SLC43A2: variants seen among roughly 807,000 people sequenced by gnomAD.
SLC43A2 encodes large neutral amino acids transporter small subunit 4.
Under a neutral mutation model 63.2 loss-of-function variants are expected in SLC43A2, and 38 were observed. That is an observed-to-expected ratio of 0.60 (90% CI 0.46 to 0.79). The LOEUF (loss-of-function observed/expected upper bound fraction) is 0.79. Ranked by LOEUF, SLC43A2 falls within the 30% of genes least tolerant of loss-of-function variation. The probability of loss-of-function intolerance (pLI) is 0.00; values close to 1 mark genes in which losing one functional copy is unlikely to be tolerated. For missense variants in SLC43A2, 644 were observed against 756.2 expected (o/e 0.85, Z 1.74); for synonymous variants, 322 against 331.0 (o/e 0.97, Z 0.30).
intron 9 of SLC43A2, chr17:1,586,927 A>AG: frequency 1.5e-6 from 2 of 1,355,934 alleles, no homozygotes; most frequent in Non-Finnish European, 2.0e-6. Context: ...TTCCCTGACA[A>AG]TCCCCCCCAC....
Position 1,572,133 on chromosome 17 carries a change from C to T in SLC43A2, c.*3471G>A, listed in dbSNP as rs999099585. The T allele has an allele frequency of 1.3e-5, 2 of 152,598 alleles. No individual in the cohort carries two copies. Among genetic ancestry groups the T allele is most frequent in the African/African-American group, 4.8e-5 (2 of 41,468 alleles). The allele number at this position is 152,598 out of a possible 1,614,324, so 9.5% of individuals were successfully genotyped here. ...TGCTCCCCCAAGTACCCATCAGCCTCCAGGGCCCAAATGATTCCATGCAGT... is the reference window on the plus strand; with the variant it reads ...TGCTCCCCCAAGTACCCATCAGCCTTCAGGGCCCAAATGATTCCATGCAGT... On this transcript the variant is annotated 3_prime_UTR_variant, in exon 14 of 14. Transcript: ENST00000301335.
intron 5 of SLC43A2, among the ~76,000 whole-genome samples, chr17:1,596,971 C>G (rs1905340903): frequency 6.6e-6 from 1 of 152,186 alleles, no homozygotes; most frequent in Admixed American, 6.5e-5. Flanking sequence ...CATCCCAGCA[C>G]TTTGGGAGGC....
Position 1,593,084 on chromosome 17 carries a change from G to C in SLC43A2, c.594+103C>G. On this transcript the variant is annotated intron_variant, in intron 6 of 13. Transcript: ENST00000301335. The surrounding 1 kb of genome is among the most constrained non-coding windows in gnomAD (Gnocchi z 5.3). Reference sequence around the variant, plus strand: ...CCTGCCCGGGTGGGGGTGGTGGAGAGGGGCCACCCCGGGTGCCCACAATTG... The same window carrying C: ...CCTGCCCGGGTGGGGGTGGTGGAGACGGGCCACCCCGGGTGCCCACAATTG... The C allele has an allele frequency of 4.5e-6, 5 of 1,117,096 alleles. No homozygotes were observed. Among genetic ancestry groups the C allele is most frequent in the Non-Finnish European group, 6.6e-6 (5 of 757,506 alleles). 69.2% of individuals were successfully genotyped at this position (1,117,096 alleles called of 1,614,324 possible).
At chr17:1,588,040 G>C (rs1017059889) in intron 9 of SLC43A2, among the ~76,000 whole-genome samples, 5 of 152,240 alleles carry the variant, frequency 3.3e-5, no homozygotes, top group Admixed American at 2.0e-4. Flanking sequence ...TGAGGCAGCA[G>C]TGCCCACTTT....
At chr17:1,622,425 C>A (rs1457312136) in intron 2 of SLC43A2, among the ~76,000 whole-genome samples, 1 of 151,878 alleles carries the variant, frequency 6.6e-6, no homozygotes, top group African/African-American at 2.4e-5. Context: ...TTTAGCCAGG[C>A]GTGGTGGCGG....
rs1382998870 is a variant in SLC43A2 at position 1,577,169 on chromosome 17, G to T, written c.1425-449C>A. 2.6e-5 allele frequency among the ~76,000 whole-genome samples: 4 copies of T among 152,260 alleles called. No individual in the cohort carries two copies. The highest frequency in any genetic ancestry group is 9.6e-5 in the African/African-American group (4 of 41,558). Reference sequence around the variant, plus strand: ...GTGAGCCACCGCGCCCGGCCCTGCTGGGTGGTTCTGCAAAGTGTTTCTCTT... The same window carrying T: ...GTGAGCCACCGCGCCCGGCCCTGCTTGGTGGTTCTGCAAAGTGTTTCTCTT... On this transcript the variant is annotated intron_variant, in intron 12 of 13. Coordinates refer to ENST00000301335, the MANE Select transcript of SLC43A2 (RefSeq NM_152346.3). This position sits in a 1 kb window ranked among gnomAD's most constrained non-coding sequence, Gnocchi z 4.9.
At chr17:1,576,809 T>C in intron 12 of SLC43A2, 89 bp from the exon 13 acceptor site, 1 of 1,501,402 alleles carries the variant, frequency 6.7e-7, no homozygotes. Flanking sequence ...GCACCGTTGG[T>C]GCCAGAGAAG....
At chr17:1,628,032 G>A (rs1203158683) in intron 1 of SLC43A2, 112 bp from the exon 2 acceptor site, 15 of 1,086,042 alleles carry the variant, frequency 1.4e-5, no homozygotes, top group Non-Finnish European at 1.7e-5. Context: ...CCCCGGCCGC[G>A]GCGGCCGGTG....
chr17:1,600,845 A>G (rs1366221610), intron 5 of SLC43A2, among the ~76,000 whole-genome samples: 1 of 149,348 alleles, frequency 6.7e-6, no homozygotes, highest in African/African-American at 2.5e-5. Flanking sequence ...GGCGTGAACC[A>G]TTGCGCCCAG....
At chr17:1,584,692 C>T (rs535506233) in intron 10 of SLC43A2, among the ~76,000 whole-genome samples, 32 of 151,334 alleles carry the variant, frequency 2.1e-4, no homozygotes, top group African/African-American at 7.0e-4. Flanking sequence ...TGGTGGCGGG[C>T]GCCTGTAGTC....
Position 1,592,564 on chromosome 17 carries a change from C to T in SLC43A2, c.594+623G>A, listed in dbSNP as rs574364880. Among the ~76,000 whole-genome samples, 69 of 152,272 alleles carry T rather than the reference C, an allele frequency of 4.5e-4. 1 individual carries two copies. Among genetic ancestry groups the T allele is most frequent in the South Asian group, 2.7e-3 (13 of 4,826 alleles). ...CAATGCCCAGGTGGCCAGCCCACAC[C>T]GTGTCCCCCTCTCCTCGCCAACAGC... is the stretch of plus-strand genomic sequence containing the variant. On this transcript the variant is annotated intron_variant, in intron 6 of 13. Transcript: ENST00000301335.
chr17:1,610,825 T>G (rs1448023812), intron 5 of SLC43A2, among the ~76,000 whole-genome samples: 1 of 151,450 alleles, frequency 6.6e-6, no homozygotes, highest in African/African-American at 2.4e-5. Context: ...GGGTCCCTTT[T>G]AAAGTCTTTC....
rs989569241 is a variant in SLC43A2 at position 1,587,031 on chromosome 17, A to G, written c.1079-980T>C. 4 of 1,462,634 alleles carry G rather than the reference A, an allele frequency of 2.7e-6. No homozygotes were observed. In the African/African-American group the frequency reaches 5.6e-5, roughly 20 times the overall value. 90.6% of individuals were successfully genotyped at this position (1,462,634 alleles called of 1,614,324 possible). On this transcript the variant is annotated intron_variant, in intron 9 of 13. Transcript: ENST00000301335. ...AGTGGCAGAAATCTCAGTGCTACAG[A>G]GAGATGGGAGAGGAGGCAGGCTCAC... is the stretch of plus-strand genomic sequence containing the variant.
rs1465321955 is a variant in SLC43A2 at position 1,574,615 on chromosome 17, G to C, written c.*989C>G. ...CTCCAGGGCCCCACGGAGCCCGCCG[G>C]CAGGGGGTGCTGTGGGCCTGTGGCC... On this transcript the variant is annotated 3_prime_UTR_variant, in exon 14 of 14. Coordinates refer to ENST00000301335, the MANE Select transcript of SLC43A2 (RefSeq NM_152346.3). 6.6e-6 allele frequency: 1 copy of C among 152,338 alleles called. No individual in the cohort carries two copies. The highest frequency in any genetic ancestry group is 2.4e-5 in the African/African-American group (1 of 41,470). 9.4% of individuals were successfully genotyped at this position (152,338 alleles called of 1,614,324 possible).
intron 2 of SLC43A2, among the ~76,000 whole-genome samples, chr17:1,618,703 G>A (rs1907898773): frequency 6.6e-6 from 1 of 152,196 alleles, no homozygotes; most frequent in South Asian, 2.1e-4. Flanking sequence ...AAAACAACAG[G>A]GCCAGGTGTG....
At chr17:1,600,725 T>C (rs1374579389) in intron 5 of SLC43A2, among the ~76,000 whole-genome samples, 3 of 151,438 alleles carry the variant, frequency 2.0e-5, no homozygotes, top group Admixed American at 6.6e-5. Flanking sequence ...ATCCAGGTAA[T>C]TTTTGTATTT....
rs1044254283 is a variant in SLC43A2, at chr17:1,616,726, C to T, written c.204G>A (p.Gly68=). 9.3e-6 allele frequency: 15 copies of T among 1,613,972 alleles called. No individual in the cohort carries two copies. Among genetic ancestry groups the T allele is most frequent in the Admixed American group, 1.7e-5 (1 of 60,006 alleles). The change falls in exon 3 of 14, where the codon GGG becomes GGA. Residue 68 remains glycine, a synonymous_variant. Transcript: ENST00000301335. ...CGTTCATCCAGCTCACCTCCTCGTG[C>T]CCCGGCTCTGCTGTGCCGCCCACTG... ...NGTVGGTAEP[G]HEEVSWMNGW...
intron 6 of SLC43A2, among the ~76,000 whole-genome samples, chr17:1,592,553 C>T (rs911102341): frequency 6.6e-6 from 1 of 152,120 alleles, no homozygotes; most frequent in African/African-American, 2.4e-5. Flanking sequence ...GCCCAGGTGG[C>T]CAGCCCACAC....
rs1908562961 is a variant in SLC43A2 at position 1,625,223 on chromosome 17, A to G, written c.160+2492T>C. 2.0e-5 allele frequency among the ~76,000 whole-genome samples: 3 copies of G among 152,332 alleles called. No homozygotes were observed. The South Asian group carries it at 6.2e-4, about 32-fold the overall frequency. ...CCACGTCTCCCAGCAGGCAAGGAAG[A>G]ACAAACTGCGGGGCAGCCGAGAAAT... On this transcript the variant is annotated intron_variant, in intron 2 of 13. Transcript: ENST00000301335.
Sources: allele counts gnomAD v4.1 joint callset (sites outside exome capture counted in the v4.1 genomes callset), GRCh38; gene constraint gnomAD v4.1.1; non-coding constraint Gnocchi (gnomAD v3.1); transcripts MANE v1.5; gene names NCBI Gene and HGNC (gene_info 2026-07-23, HGNC 2026-07-21).